TRPM1: variants seen among roughly 807,000 people sequenced by gnomAD.
TRPM1 encodes the protein TRPM1-203 APA Isoform, Intron 10.
In TRPM1, 113 loss-of-function variants were observed where a neutral mutation model predicts 149.4. The ratio of observed to expected loss-of-function variants is 0.76; its 90% CI spans 0.65 to 0.88. TRPM1 has a LOEUF of 0.88. Among genes scored for constraint, TRPM1 ranks in the 40% least tolerant of loss-of-function variants. The probability of loss-of-function intolerance (pLI) is 0.00; values close to 1 mark genes in which losing one functional copy is unlikely to be tolerated. For synonymous variants in TRPM1, 741 were observed against 759.5 expected, an observed-to-expected ratio of 0.98 and a Z score of 0.40; for missense variants, 1,976 against 2,038.7, an observed-to-expected ratio of 0.97 and a Z score of 0.59.
intron 1 of TRPM1, among the ~76,000 whole-genome samples, chr15:31,116,601 T>TTAAATAAATAAA (rs2035800098): frequency 1.6e-5 from 1 of 61,734 alleles, no homozygotes; most frequent in Admixed American, 1.7e-4. Flanking sequence ...AAACTCCATC[T>TTAAATAAATAAA]GAAATAAATA....
At chr15:31,070,598 G>T in intron 3 of TRPM1, 1 of 433,184 alleles carries the variant, frequency 2.3e-6, no homozygotes, top group Admixed American at 2.7e-5. Flanking sequence ...TGTCATTCAG[G>T]TTGGAGTGTA....
Position 31,101,705 on chromosome 15 carries a change from TC to T in TRPM1, c.-133del. The stretch of plus-strand genomic sequence containing the variant: ...GGGCACAGCTCAGGCTCTTTCAGCC[TC>T]CTCCTTGGCCAGGGCAGGGAGCTGG... On this transcript the variant is annotated 5_prime_UTR_variant, in exon 1 of 28. Transcript: ENST00000256552. The T allele has an allele frequency of 1.0e-6, 1 of 985,860 alleles. No individual in the cohort carries two copies. 61.1% of individuals were successfully genotyped at this position (985,860 alleles called of 1,614,324 possible).
chr15:31,153,107 G>A (rs144472793), intron 1 of TRPM1, among the ~76,000 whole-genome samples: 1,695 of 152,304 alleles, frequency 0.011, 34 homozygotes, highest in African/African-American at 0.039. Flanking sequence ...GCTGTCTGTT[G>A]TGGGGAAAAT....
chr15:31,003,424 G>A (rs1021446271), intron 27 of TRPM1, among the ~76,000 whole-genome samples: 4 of 152,140 alleles, frequency 2.6e-5, no homozygotes, highest in Admixed American at 2.6e-4. Context: ...TTACAGGTGA[G>A]GAAATTAAGT....
chr15:31,023,539 T>C (rs915322497), intron 27 of TRPM1, among the ~76,000 whole-genome samples: 1 of 151,654 alleles, frequency 6.6e-6, no homozygotes, highest in Non-Finnish European at 1.5e-5. Context: ...GGAATGGAAG[T>C]GGAAAATGAT....
intron 5 of TRPM1, 150 bp from the exon 6 acceptor site, chr15:31,067,337 T>C: frequency 2.4e-6 from 3 of 1,226,192 alleles, no homozygotes; most frequent in Non-Finnish European, 3.6e-6. Context: ...CAAAGTACAC[T>C]GAAAGTCTGA....
At chr15:31,020,837 C>T (rs529411609) in intron 27 of TRPM1, among the ~76,000 whole-genome samples, 12 of 152,138 alleles carry the variant, frequency 7.9e-5, no homozygotes, top group African/African-American at 1.4e-4. Context: ...GTAGGCTTAG[C>T]GCGCAGGCTA....
chr15:31,034,566 A>G (rs114966489), intron 21 of TRPM1, among the ~76,000 whole-genome samples: 101 of 152,370 alleles, frequency 6.6e-4, no homozygotes, highest in African/African-American at 2.4e-3. Flanking sequence ...AGCCCCCTAC[A>G]GGATTAGGCC....
At chr15:31,085,795 C>A (rs1007169251) in intron 1 of TRPM1, among the ~76,000 whole-genome samples, 4 of 152,114 alleles carry the variant, frequency 2.6e-5, no homozygotes, top group Non-Finnish European at 5.9e-5. Context: ...AATGCAGACC[C>A]CGAATTATCC....
intron 12 of TRPM1, 83 bp downstream of exon 12, chr15:31,050,326 G>A: frequency 1.9e-6 from 3 of 1,603,280 alleles, no homozygotes; most frequent in Non-Finnish European, 2.6e-6. Context: ...GGCCCTGGGT[G>A]GGACTGAAGC....
intron 1 of TRPM1, among the ~76,000 whole-genome samples, chr15:31,144,841 G>A (rs1214063083): frequency 7.3e-5 from 11 of 150,164 alleles, no homozygotes; most frequent in African/African-American, 2.0e-4. Flanking sequence ...TCAGCCTCCC[G>A]AGGAGCTGGG....
At chr15:31,089,683 G>A (rs1282643994) in intron 1 of TRPM1, among the ~76,000 whole-genome samples, 2 of 152,238 alleles carry the variant, frequency 1.3e-5, no homozygotes, top group African/African-American at 2.4e-5. Context: ...TATGATTGAG[G>A]AAGCGTCAGC....
At chr15:31,105,832 G>A (rs996470329), upstream of TRPM1, among the ~76,000 whole-genome samples, 1 of 152,278 alleles carries the variant, frequency 6.6e-6, no homozygotes, top group East Asian at 1.9e-4. Flanking sequence ...CACAGTATCC[G>A]AGGACTGTGG....
At chr15:31,111,267 A>G (rs1021141393) in intron 1 of TRPM1, among the ~76,000 whole-genome samples, 1 of 152,202 alleles carries the variant, frequency 6.6e-6, no homozygotes, top group Non-Finnish European at 1.5e-5. Context: ...CAACTCCACT[A>G]ACTGCACGTA....
exon 1 of TRPM1, chr15:31,160,937 G>A (rs745533335): frequency 5.6e-5 from 86 of 1,535,366 alleles, no homozygotes; most frequent in African/African-American, 1.1e-4. Flanking sequence ...GCTCTTGAGC[G>A]AGCCCCGCTT....
At chr15:31,104,898 A>G (rs1275908299), upstream of TRPM1, among the ~76,000 whole-genome samples, 1 of 152,004 alleles carries the variant, frequency 6.6e-6, no homozygotes, top group East Asian at 1.9e-4. Flanking sequence ...CCAGCTGCAA[A>G]ATGGTGATCT....
At chr15:31,062,846 A>T in intron 8 of TRPM1, 144 bp from the exon 9 acceptor site, 1 of 1,053,280 alleles carries the variant, frequency 9.5e-7, no homozygotes, top group Non-Finnish European at 1.4e-6. Context: ...ATAGTCAAAC[A>T]TCGTATTCTC....
chr15:31,118,979 C>T (rs1284560818), intron 1 of TRPM1, among the ~76,000 whole-genome samples: 2 of 152,132 alleles, frequency 1.3e-5, no homozygotes, highest in Non-Finnish European at 2.9e-5. Context: ...GTGGTTCATG[C>T]CTGTAATCCC....
chr15:31,069,887 T>A (rs184386608), intron 4 of TRPM1, 144 bp downstream of exon 4: 2 of 1,600,454 alleles, frequency 1.2e-6, no homozygotes, highest in East Asian at 2.2e-5. Flanking sequence ...TGCACAGATA[T>A]ATCTCTTGGT....
Sources: gnomAD v4.1 joint callset for allele counts (sites outside exome capture counted in the v4.1 genomes callset) on GRCh38, gnomAD v4.1.1 for gene constraint, MANE v1.5 for transcripts, NCBI Gene and HGNC (gene_info 2026-07-23, HGNC 2026-07-21) for gene names.